The following NEK11 variants were observed in gnomAD, a reference collection of about 807,000 sequenced individuals.
The protein encoded by NEK11 is serine/threonine-protein kinase Nek11.
Under a neutral mutation model 80.7 loss-of-function variants are expected in NEK11, and 72 were observed. That is an observed-to-expected ratio of 0.89 (90% CI 0.74 to 1.08). The LOEUF (loss-of-function observed/expected upper bound fraction) is 1.08. NEK11 is among the 50% of genes least tolerant of loss of function. NEK11 has a pLI of 0.00. For missense variants in NEK11, 764 were observed against 763.6 expected (o/e 1.00, Z -0.01); for synonymous variants, 251 against 260.7 (o/e 0.96, Z 0.36).
intron 17 of NEK11, among the ~76,000 whole-genome samples, chr3:131,310,272 G>A (rs556325062): frequency 1.8e-4 from 27 of 152,228 alleles, no homozygotes; most frequent in African/African-American, 6.0e-4. Context: ...TCAGATATTT[G>A]ATTATCCTAA....
At chr3:131,133,615 T>A (rs1357436060) in intron 6 of NEK11, among the ~76,000 whole-genome samples, 3 of 118,418 alleles carry the variant, frequency 2.5e-5, no homozygotes, top group Non-Finnish European at 5.2e-5. Flanking sequence ...ATAATTCACT[T>A]TCCTGGCTCA....
intron 14 of NEK11, among the ~76,000 whole-genome samples, chr3:131,185,188 C>G (rs776231548): frequency 6.6e-6 from 1 of 152,024 alleles, no homozygotes; most frequent in African/African-American, 2.4e-5. Context: ...AGGGCCATTA[C>G]GTGAAAATAT....
At chr3:131,303,537 C>T (rs2096685863) in intron 17 of NEK11, among the ~76,000 whole-genome samples, 1 of 152,082 alleles carries the variant, frequency 6.6e-6, no homozygotes, top group African/African-American at 2.4e-5. Flanking sequence ...TAATGAATTT[C>T]CTTAGAATTT....
chr3:131,341,125 A>G (rs1385488474), intron 17 of NEK11, among the ~76,000 whole-genome samples: 1 of 152,172 alleles, frequency 6.6e-6, no homozygotes, highest in African/African-American at 2.4e-5. Context: ...TTGAATTTCT[A>G]TTTATGAATC....
chr3:131,073,525 A>C (rs575490932), intron 3 of NEK11, among the ~76,000 whole-genome samples: 32 of 152,302 alleles, frequency 2.1e-4, no homozygotes, highest in Admixed American at 9.2e-4. Flanking sequence ...ATCTGTATGT[A>C]ATACTCATAT....
chr3:131,132,852 A>G (rs2084779007), intron 6 of NEK11, 43 bp downstream of exon 6: 1 of 801,092 alleles, frequency 1.2e-6, no homozygotes, highest in Middle Eastern at 2.4e-4. Flanking sequence ...GCAGAACAGT[A>G]TATTCTAGAT....
chr3:131,298,122 G>T (rs1433148504), intron 17 of NEK11, among the ~76,000 whole-genome samples: 1 of 152,034 alleles, frequency 6.6e-6, no homozygotes, highest in Non-Finnish European at 1.5e-5. Flanking sequence ...TGTTCTTTTG[G>T]CTTAGGATTG....
intron 3 of NEK11, among the ~76,000 whole-genome samples, chr3:131,065,192 C>T (rs1228767589): frequency 1.3e-5 from 2 of 152,162 alleles, no homozygotes; most frequent in African/African-American, 4.8e-5. Context: ...TCAGTCTTTC[C>T]ACTTACTTTG....
chr3:131,120,447 T>C lies in NEK11; in HGVS notation c.455+10526T>C, dbSNP rs150193240. Among the ~76,000 whole-genome samples the C allele has an allele frequency of 4.8e-3, 727 of 152,312 alleles. 10 individuals are homozygous for C. The highest frequency in any genetic ancestry group is 0.016 in the African/African-American group (683 of 41,546). On this transcript the variant is annotated intron_variant, in intron 5 of 17. Coordinates refer to ENST00000383366, the MANE Select transcript of NEK11 (RefSeq NM_024800.5). ...ATTTCAACTTTGGTGAAACTGATAA[T>C]TATGTGGCTTGGAGTTGCTCGTCTT...
intron 14 of NEK11, among the ~76,000 whole-genome samples, chr3:131,182,297 A>G (rs1454074788): frequency 6.6e-6 from 1 of 152,240 alleles, no homozygotes; most frequent in East Asian, 1.9e-4. Flanking sequence ...GGAAACCACT[A>G]AAAAGATCCA....
In NEK11 at chr3:131,162,457, A is replaced by G. The variant is rs1211149479; in HGVS notation, c.1012A>G (p.Lys338Glu). 6.2e-7 allele frequency: 1 copy of G among 1,614,136 alleles called. No individual in the cohort carries two copies. The highest frequency in any genetic ancestry group is 8.5e-7 in the Non-Finnish European group (1 of 1,179,974). ...QTLRALSEVQ[K>E]MTPRERMRLR... ...TCTGAGGGCACTGTCAGAAGTACAG[A>G]AAATGACGCCAAGAGAAAGGATGCG... is the stretch of plus-strand genomic sequence containing the variant. Residue 338 changes from lysine (K) to glutamate (E), a missense_variant, in exon 11 of 18, where the codon AAA becomes GAA. By Grantham distance (56) the Lys-to-Glu change is moderately conservative (BLOSUM62 1). Coordinates refer to ENST00000383366, the MANE Select transcript of NEK11 (RefSeq NM_024800.5).
intron 17 of NEK11, among the ~76,000 whole-genome samples, chr3:131,291,728 A>G (rs771929935): frequency 6.6e-6 from 1 of 152,068 alleles, no homozygotes; most frequent in Non-Finnish European, 1.5e-5. Flanking sequence ...TCATATGCTT[A>G]CTTGCCATCT....
intron 3 of NEK11, among the ~76,000 whole-genome samples, chr3:131,064,805 C>T (rs1314933170): frequency 6.6e-6 from 1 of 151,948 alleles, no homozygotes; most frequent in Non-Finnish European, 1.5e-5. Flanking sequence ...ATGGACCAGT[C>T]AGGCAAACAA....
intron 3 of NEK11, among the ~76,000 whole-genome samples, chr3:131,056,800 C>G (rs2069588559): frequency 6.6e-6 from 1 of 152,062 alleles, no homozygotes; most frequent in Admixed American, 6.6e-5. Context: ...CAAAGGGGGT[C>G]AAAGCAGATG....
chr3:131,038,454 A>G (rs2065969935), intron 3 of NEK11, among the ~76,000 whole-genome samples: 1 of 152,240 alleles, frequency 6.6e-6, no homozygotes, highest in Non-Finnish European at 1.5e-5. Flanking sequence ...ATGTGTTAGC[A>G]TAAAAGAATC....
intron 4 of NEK11, among the ~76,000 whole-genome samples, chr3:131,098,904 A>G (rs557415108): frequency 1.3e-5 from 2 of 151,890 alleles, no homozygotes; most frequent in South Asian, 4.2e-4. Context: ...ATCATTAGTC[A>G]ATATTTTATT....
At chr3:131,061,239 A>AT (rs2070804036) in intron 3 of NEK11, among the ~76,000 whole-genome samples, 1 of 152,212 alleles carries the variant, frequency 6.6e-6, no homozygotes, top group African/African-American at 2.4e-5. Flanking sequence ...AGAGGTAAAC[A>AT]TGATCTATGC....
In NEK11 at chr3:131,273,541, T is replaced by C. The variant is rs16836266; in HGVS notation, c.1685T>C (p.Val562Ala). ...CCAGGACCACCAATTTTCAACAGTG[T>C]GATGGCCAGGACCAAGATGAAACGC... ...MSPGPPIFNSVMARTKMKRMR... is the reference protein window; with the variant it reads ...MSPGPPIFNSAMARTKMKRMR... The change falls in exon 17 of 18, where the codon GTG becomes GCG. Residue 562 changes from valine to alanine, a missense_variant. Physicochemically the swap from Val to Ala is moderately conservative, Grantham distance 64. Coordinates refer to ENST00000383366, the MANE Select transcript of NEK11 (RefSeq NM_024800.5). The C allele has an allele frequency of 0.079, 126,674 of 1,613,494 alleles. 8,227 individuals are homozygous for C. Among genetic ancestry groups the C allele is most frequent in the African/African-American group, 0.29 (21,386 of 74,878 alleles).
rs558771567 is a variant in NEK11 at position 131,144,287 on chromosome 3, G to A, written c.648-8101G>A. On this transcript the variant is annotated intron_variant, in intron 7 of 17. Coordinates refer to ENST00000383366, the MANE Select transcript of NEK11 (RefSeq NM_024800.5). ...TTCATACTCCCTCAGGGATTTATTT[G>A]CTTATCTCTTCACAGTTGTCTGTAT... Among the ~76,000 whole-genome samples the A allele has an allele frequency of 1.5e-4, 23 of 152,106 alleles. No homozygotes were observed. In the East Asian group the frequency reaches 4.2e-3, roughly 28 times the overall value.
Sources: allele counts gnomAD v4.1 joint callset (sites outside exome capture counted in the v4.1 genomes callset), GRCh38; gene constraint gnomAD v4.1.1; transcripts MANE v1.5; gene names NCBI Gene and HGNC (gene_info 2026-07-23, HGNC 2026-07-21).